MINPP1: variants seen among roughly 807,000 people sequenced by gnomAD.
MINPP1 encodes multiple inositol polyphosphate phosphatase 1.
In MINPP1, 28 loss-of-function variants were observed where a neutral mutation model predicts 46.1. The ratio of observed to expected loss-of-function variants is 0.61; its 90% CI spans 0.45 to 0.83. MINPP1 has a LOEUF of 0.83. Among genes scored for constraint, MINPP1 ranks in the 40% least tolerant of loss-of-function variants. MINPP1 has a pLI of 0.00. For missense variants in MINPP1, 603 were observed against 610.0 expected (o/e 0.99, Z 0.12); for synonymous variants, 268 against 249.1 (o/e 1.08, Z -0.72).
intron 4 of MINPP1, among the ~76,000 whole-genome samples, chr10:87,531,644 T>TA (rs1851662195): frequency 1.3e-5 from 2 of 152,226 alleles, no homozygotes; most frequent in Admixed American, 6.5e-5. Flanking sequence ...AAATTCAAAA[T>TA]ACTCCAAACT....
chr10:87,526,699 A>G (rs947780104), intron 4 of MINPP1, among the ~76,000 whole-genome samples: 2 of 152,274 alleles, frequency 1.3e-5, no homozygotes, highest in Non-Finnish European at 1.5e-5. Flanking sequence ...TAAGTCTTTA[A>G]CCCATCTTGA....
intron 2 of MINPP1, chr10:87,509,805 A>T (rs1308599850): frequency 4.1e-6 from 1 of 245,866 alleles, no homozygotes; most frequent in African/African-American, 2.3e-5. Context: ...AATGTTTGCA[A>T]TTCTAGTCCT....
chr10:87,535,417 A>G (rs1029216544), intron 4 of MINPP1, among the ~76,000 whole-genome samples: 1 of 152,236 alleles, frequency 6.6e-6, no homozygotes, highest in Non-Finnish European at 1.5e-5. Context: ...TATTAATACC[A>G]TCATGACAAT....
chr10:87,524,362 C>G (rs1851545498), intron 4 of MINPP1, among the ~76,000 whole-genome samples: 1 of 152,134 alleles, frequency 6.6e-6, no homozygotes, highest in East Asian at 1.9e-4. Flanking sequence ...AGAGTTAGAG[C>G]CTTGCTGTGG....
At chr10:87,516,858 T>G (rs1001191944) in intron 3 of MINPP1, among the ~76,000 whole-genome samples, 18 of 152,194 alleles carry the variant, frequency 1.2e-4, no homozygotes, top group African/African-American at 3.6e-4. Flanking sequence ...AGTAGTTTAT[T>G]GTTTACTAAT....
chr10:87,505,182 C>T lies in MINPP1; in HGVS notation c.267C>T (p.His89=), dbSNP rs780750979. The part of the protein sequence containing the change: ...TPVQLVALIR[H]GTRYPTVKQI... ...TGCAGCTGGTCGCCCTCATTCGCCA[C>T]GGCACCCGCTACCCCACGGTCAAAC... Residue 89 remains histidine, a synonymous_variant, in exon 1 of 5, where the codon CAC becomes CAT. Coordinates refer to ENST00000371996, the MANE Select transcript of MINPP1 (RefSeq NM_004897.5). This position sits in a 1 kb window ranked among gnomAD's most constrained non-coding sequence, Gnocchi z 4.4. 4.4e-6 allele frequency: 7 copies of T among 1,608,804 alleles called. No homozygotes were observed. Among genetic ancestry groups the T allele is most frequent in the Non-Finnish European group, 5.9e-6 (7 of 1,177,734 alleles).
chr10:87,522,212 A>T (rs961224260), intron 4 of MINPP1, among the ~76,000 whole-genome samples: 1 of 152,040 alleles, frequency 6.6e-6, no homozygotes, highest in Admixed American at 6.6e-5. Context: ...TTTAAAGAAG[A>T]CTCCATTTTT....
intron 4 of MINPP1, among the ~76,000 whole-genome samples, chr10:87,527,237 A>G (rs925047667): frequency 6.6e-6 from 1 of 152,118 alleles, no homozygotes; most frequent in African/African-American, 2.4e-5. Flanking sequence ...AGTGGTTTGT[A>G]GTTCTCCTTG....
intron 2 of MINPP1, among the ~76,000 whole-genome samples, chr10:87,512,392 T>C (rs1012146301): frequency 6.6e-6 from 1 of 152,156 alleles, no homozygotes; most frequent in African/African-American, 2.4e-5. Flanking sequence ...TTTTTCCCTT[T>C]TTGTGCTTCT....
chr10:87,540,482 G>A (rs61853080), intron 4 of MINPP1, among the ~76,000 whole-genome samples: 3 of 114,406 alleles, frequency 2.6e-5, no homozygotes, highest in Non-Finnish European at 3.6e-5. Context: ...CTCTGTCTCT[G>A]TCTCTCTCTC....
intron 1 of MINPP1, chr10:87,507,779 TA>T: frequency 3.1e-6 from 3 of 965,538 alleles, no homozygotes; most frequent in Non-Finnish European, 3.7e-6. Context: ...AGTTAAAAGA[TA>T]AACCAATTCA....
chr10:87,512,229 C>G (rs1851344833), intron 2 of MINPP1, among the ~76,000 whole-genome samples: 1 of 152,180 alleles, frequency 6.6e-6, no homozygotes, highest in African/African-American at 2.4e-5. Flanking sequence ...CACTTCTCTT[C>G]AATACCCATA....
At position 87,504,987 on chromosome 10, in the gene MINPP1, C is replaced by G. The variant is rs527422261; in HGVS notation, c.72C>G (p.Leu24=). 1.2e-6 allele frequency: 2 copies of G among 1,612,530 alleles called. No homozygotes were observed. Among genetic ancestry groups the G allele is most frequent in the Admixed American group, 1.7e-5 (1 of 59,992 alleles). Reference sequence around the variant, plus strand: ...CCGCGGCCCTGGCTGCGGCGCTGCTCTCGTCGCTTGCGCGCTGCTCTCTTC... The same window carrying G: ...CCGCGGCCCTGGCTGCGGCGCTGCTGTCGTCGCTTGCGCGCTGCTCTCTTC... ...APAAALAAAL[L]SSLARCSLLE... is the part of the protein sequence containing the mutation. Residue 24 remains leucine, a synonymous_variant, in exon 1 of 5, where the codon CTC becomes CTG. Coordinates refer to ENST00000371996, the MANE Select transcript of MINPP1 (RefSeq NM_004897.5).
intron 4 of MINPP1, among the ~76,000 whole-genome samples, chr10:87,546,995 T>G (rs1022609789): frequency 1.3e-5 from 2 of 152,200 alleles, no homozygotes; most frequent in African/African-American, 2.4e-5. Context: ...CATGTGCTTT[T>G]GCCAAATTGC....
intron 1 of MINPP1, among the ~76,000 whole-genome samples, chr10:87,506,401 G>A (rs753652869): frequency 1.3e-5 from 2 of 151,932 alleles, no homozygotes; most frequent in Non-Finnish European, 2.9e-5. Flanking sequence ...AATAATGATA[G>A]CATACACCTC....
At chr10:87,546,044 C>T (rs1221345733) in intron 4 of MINPP1, among the ~76,000 whole-genome samples, 1 of 152,014 alleles carries the variant, frequency 6.6e-6, no homozygotes, top group Non-Finnish European at 1.5e-5. Context: ...AAGACTAGAG[C>T]GAAAGCAAGT....
At chr10:87,548,320 TCTCCC>T (rs940045061) in intron 4 of MINPP1, among the ~76,000 whole-genome samples, 6 of 152,056 alleles carry the variant, frequency 3.9e-5, no homozygotes, top group Non-Finnish European at 8.8e-5. Flanking sequence ...CCACTATTCT[TCTCCC>T]CTCCCCTCCC....
chr10:87,508,955 A>G (rs1335397729), intron 2 of MINPP1, among the ~76,000 whole-genome samples: 1 of 152,208 alleles, frequency 6.6e-6, no homozygotes, highest in East Asian at 1.9e-4. Context: ...TAGAAAGTGA[A>G]AAGCAAAGTA....
At chr10:87,524,136 T>C (rs984332419) in intron 4 of MINPP1, among the ~76,000 whole-genome samples, 11 of 152,254 alleles carry the variant, frequency 7.2e-5, no homozygotes, top group Non-Finnish European at 1.5e-5. Context: ...AAGGCTGTTT[T>C]GTCTACATTG....
Sources: allele counts gnomAD v4.1 joint callset (sites outside exome capture counted in the v4.1 genomes callset), GRCh38; gene constraint gnomAD v4.1.1; non-coding constraint Gnocchi (gnomAD v3.1); transcripts MANE v1.5; gene names NCBI Gene and HGNC (gene_info 2026-07-23, HGNC 2026-07-21).